The following MARCHF11 variants were observed in gnomAD, a reference collection of about 807,000 sequenced individuals.
MARCHF11 encodes membrane associated ring-CH-type finger 11.
Under a neutral mutation model 37.3 loss-of-function variants are expected in MARCHF11, and 29 were observed. That is an observed-to-expected ratio of 0.78 (90% confidence interval 0.58 to 1.06). MARCHF11 has a LOEUF of 1.06. Among genes scored for constraint, MARCHF11 ranks in the 50% least tolerant of loss-of-function variants. The probability of loss-of-function intolerance (pLI) is 0.00; values close to 1 mark genes in which losing one functional copy is unlikely to be tolerated. For missense variants in MARCHF11, 482 were observed against 533.4 expected (o/e 0.90, Z 0.95); for synonymous variants, 233 against 228.0 (o/e 1.02, Z -0.20).
chr5:16,071,356 C>T (rs7720308), intron 3 of MARCHF11, among the ~76,000 whole-genome samples: 3,594 of 152,132 alleles, frequency 0.024, 156 homozygotes, highest in African/African-American at 0.081. Flanking sequence ...ATGTGTGGTT[C>T]GTTGGTTGGT....
chr5:16,138,639 C>T (rs1579405756), intron 2 of MARCHF11, among the ~76,000 whole-genome samples: 1 of 152,124 alleles, frequency 6.6e-6, no homozygotes, highest in African/African-American at 2.4e-5. Flanking sequence ...CATCACATGC[C>T]TAGAAAAGCT....
At chr5:16,093,351 T>G (rs536603560) in intron 2 of MARCHF11, among the ~76,000 whole-genome samples, 18 of 152,180 alleles carry the variant, frequency 1.2e-4, no homozygotes, top group Non-Finnish European at 2.2e-4. Flanking sequence ...TGAATTATAT[T>G]TGGCTTCAAT....
intron 2 of MARCHF11, among the ~76,000 whole-genome samples, chr5:16,137,669 T>C (rs942286430): frequency 3.3e-5 from 5 of 152,162 alleles, no homozygotes; most frequent in Non-Finnish European, 5.9e-5. Context: ...GTGAGAAAGT[T>C]TGGCACTTTC....
At chr5:16,140,721 C>G (rs967888815) in intron 2 of MARCHF11, among the ~76,000 whole-genome samples, 11 of 152,088 alleles carry the variant, frequency 7.2e-5, no homozygotes, top group Admixed American at 6.5e-4. Context: ...TCTATGCAAA[C>G]AAAATTGTGC....
At chr5:16,137,199 A>G (rs1737623739) in intron 2 of MARCHF11, among the ~76,000 whole-genome samples, 1 of 152,168 alleles carries the variant, frequency 6.6e-6, no homozygotes, top group Admixed American at 6.5e-5. Context: ...TGTGTCCCCA[A>G]CCAAATTTCA....
intron 3 of MARCHF11, 112 bp from the exon 4 acceptor site, chr5:16,067,905 CA>C: frequency 1.1e-6 from 1 of 920,674 alleles, no homozygotes; most frequent in Non-Finnish European, 1.6e-6. Context: ...TCATCATCAG[CA>C]AAAATACAGT....
chr5:16,156,473 T>C (rs540305813), intron 2 of MARCHF11, among the ~76,000 whole-genome samples: 1 of 152,014 alleles, frequency 6.6e-6, no homozygotes, highest in African/African-American at 2.4e-5. Flanking sequence ...ATCCTAATCC[T>C]TTGTCAGTGA....
chr5:16,132,026 C>T (rs372834026), intron 2 of MARCHF11, among the ~76,000 whole-genome samples: 35 of 152,308 alleles, frequency 2.3e-4, no homozygotes, highest in Admixed American at 1.2e-3. Context: ...AGACTGGCTA[C>T]GGGGGATTCA....
At position 16,173,957 on chromosome 5, in the gene MARCHF11, C is replaced by T. The variant is rs1234192875; in HGVS notation, c.693+3769G>A. On this transcript the variant is annotated intron_variant, in intron 2 of 3. Transcript: ENST00000332432. ...AGCTTGTCTAAAATAACAGATATTA[C>T]CTTCCATTTACATAGCTTTTTCTTT... Among the ~76,000 whole-genome samples, 7 of 152,200 alleles carry T rather than the reference C, an allele frequency of 4.6e-5. No homozygotes were observed. The East Asian group carries it at 1.2e-3, about 25-fold the overall frequency.
chr5:16,084,011 A>G (rs568925752), intron 3 of MARCHF11, among the ~76,000 whole-genome samples: 1 of 152,352 alleles, frequency 6.6e-6, no homozygotes, highest in Non-Finnish European at 1.5e-5. Flanking sequence ...TATTCATACA[A>G]CACAGAGTTA....
chr5:16,140,489 C>T (rs1366002024), intron 2 of MARCHF11, among the ~76,000 whole-genome samples: 1 of 152,138 alleles, frequency 6.6e-6, no homozygotes, highest in Non-Finnish European at 1.5e-5. Flanking sequence ...TCCCGAAATG[C>T]ACCAGACAAA....
intron 2 of MARCHF11, among the ~76,000 whole-genome samples, chr5:16,117,213 G>A (rs1451761624): frequency 6.6e-6 from 1 of 152,164 alleles, no homozygotes; most frequent in African/African-American, 2.4e-5. Context: ...TAAGCACCAG[G>A]ATTGCTCTGG....
intron 2 of MARCHF11, among the ~76,000 whole-genome samples, chr5:16,096,796 T>A (rs186569721): frequency 5.3e-5 from 8 of 152,348 alleles, no homozygotes; most frequent in Admixed American, 2.0e-4. Flanking sequence ...CCATCAGGTC[T>A]CTAAGAAGCT....
chr5:16,075,198 C>G (rs1375892024), intron 3 of MARCHF11, among the ~76,000 whole-genome samples: 2 of 152,206 alleles, frequency 1.3e-5, no homozygotes, highest in Non-Finnish European at 2.9e-5. Context: ...GGAGACAACA[C>G]AACTCCTCTC....
At chr5:16,151,071 T>C (rs921986495) in intron 2 of MARCHF11, among the ~76,000 whole-genome samples, 1 of 152,062 alleles carries the variant, frequency 6.6e-6, no homozygotes, top group African/African-American at 2.4e-5. Flanking sequence ...TTCACAGAAA[T>C]GCTTAGATAT....
chr5:16,108,367 C>G (rs968023264), intron 2 of MARCHF11, among the ~76,000 whole-genome samples: 1 of 152,218 alleles, frequency 6.6e-6, no homozygotes, highest in South Asian at 2.1e-4. Context: ...TGTCGCATGT[C>G]CTGCGAGGGG....
intron 2 of MARCHF11, among the ~76,000 whole-genome samples, chr5:16,097,674 T>C (rs989798619): frequency 6.6e-6 from 1 of 152,158 alleles, no homozygotes; most frequent in Admixed American, 6.5e-5. Flanking sequence ...TAATTCTACA[T>C]AGAAACGGAA....
At chr5:16,140,228 T>G (rs1415055945) in intron 2 of MARCHF11, among the ~76,000 whole-genome samples, 1 of 151,992 alleles carries the variant, frequency 6.6e-6, no homozygotes, top group Non-Finnish European at 1.5e-5. Flanking sequence ...CATAATTATT[T>G]TAGAAAATAA....
intron 3 of MARCHF11, among the ~76,000 whole-genome samples, chr5:16,073,078 T>C (rs905925406): frequency 6.6e-6 from 1 of 152,176 alleles, no homozygotes; most frequent in Non-Finnish European, 1.5e-5. Context: ...CTATAATACA[T>C]AGATATAATT....
Sources: gnomAD v4.1 joint callset for allele counts (sites outside exome capture counted in the v4.1 genomes callset) on GRCh38, gnomAD v4.1.1 for gene constraint, MANE v1.5 for transcripts, NCBI Gene and HGNC (gene_info 2026-07-23, HGNC 2026-07-21) for gene names.